The following CNTN5 variants were observed in gnomAD, a reference collection of about 807,000 sequenced individuals.
CNTN5 encodes contactin-5.
In CNTN5, 77 loss-of-function variants were observed where a neutral mutation model predicts 129.1. That is an observed-to-expected ratio of 0.60 (90% CI 0.50 to 0.72). The LOEUF is 0.72. Among genes scored for constraint, CNTN5 ranks in the 30% least tolerant of loss-of-function variants. The pLI, the probability that CNTN5 is intolerant of heterozygous loss-of-function variation, is 0.00. For synonymous variants in CNTN5, 509 were observed against 465.6 expected (o/e 1.09, Z -1.20); for missense variants, 1,478 against 1,328.8 (o/e 1.11, Z -1.75).
At chr11:99,431,306 G>T (rs1943359999) in intron 2 of CNTN5, among the ~76,000 whole-genome samples, 1 of 152,038 alleles carries the variant, frequency 6.6e-6, no homozygotes, top group South Asian at 2.1e-4. Flanking sequence ...GGCCCAGACT[G>T]AAGACTGCTT....
At chr11:99,160,370 C>T (rs185361452) in intron 1 of CNTN5, among the ~76,000 whole-genome samples, 2 of 152,148 alleles carry the variant, frequency 1.3e-5, no homozygotes, top group African/African-American at 4.8e-5. Context: ...GGCAAGTATT[C>T]TGCAAAGGAC....
At chr11:99,750,928 T>C (rs1344658643) in intron 3 of CNTN5, among the ~76,000 whole-genome samples, 3 of 152,226 alleles carry the variant, frequency 2.0e-5, no homozygotes, top group Non-Finnish European at 2.9e-5. Flanking sequence ...ATTTTGGCTT[T>C]GGAGTTTGCT....
At chr11:100,123,328 A>G (rs1003302389) in intron 13 of CNTN5, among the ~76,000 whole-genome samples, 1 of 151,948 alleles carries the variant, frequency 6.6e-6, no homozygotes, top group African/African-American at 2.4e-5. Flanking sequence ...TTATATCTCT[A>G]TATATGTCTA....
chr11:99,185,816 A>G (rs1036747410), intron 1 of CNTN5, among the ~76,000 whole-genome samples: 1 of 144,882 alleles, frequency 6.9e-6, no homozygotes, highest in African/African-American at 2.5e-5. Context: ...AAAATAACCC[A>G]TCAAAATAAC....
chr11:100,271,769 T>C (rs1950412365), intron 18 of CNTN5, among the ~76,000 whole-genome samples: 1 of 152,210 alleles, frequency 6.6e-6, no homozygotes, highest in Admixed American at 6.5e-5. Context: ...CTCCTTGACT[T>C]TGAAAACATT....
chr11:99,272,265 T>A (rs1863208209), intron 1 of CNTN5, among the ~76,000 whole-genome samples: 1 of 151,772 alleles, frequency 6.6e-6, no homozygotes. Context: ...CTTGTGTTTT[T>A]ATATTCAATG....
At chr11:100,055,407 T>G (rs1591145589) in intron 9 of CNTN5, among the ~76,000 whole-genome samples, 1 of 151,666 alleles carries the variant, frequency 6.6e-6, no homozygotes, top group African/African-American at 2.4e-5. Flanking sequence ...ACTTCTTGCA[T>G]CTTAAACTTT....
intron 3 of CNTN5, among the ~76,000 whole-genome samples, chr11:99,713,118 C>T (rs12874678): frequency 1.3e-5 from 2 of 152,210 alleles, no homozygotes; most frequent in South Asian, 4.1e-4. Context: ...TATCCATGAG[C>T]ATGGAATGGC....
intron 1 of CNTN5, among the ~76,000 whole-genome samples, chr11:99,083,402 C>G (rs1342658355): frequency 1.3e-5 from 2 of 152,200 alleles, no homozygotes; most frequent in Non-Finnish European, 2.9e-5. Flanking sequence ...GGTGGCACTT[C>G]AGACGCATTA....
chr11:99,994,974 G>A (rs7125241), intron 8 of CNTN5, among the ~76,000 whole-genome samples: 57,111 of 151,662 alleles, frequency 0.38, 12,190 homozygotes, highest in African/African-American at 0.59. Context: ...AAATATTTAA[G>A]AAGAAGCAGA....
At chr11:99,419,414 A>G (rs1033392863) in intron 2 of CNTN5, among the ~76,000 whole-genome samples, 2 of 152,218 alleles carry the variant, frequency 1.3e-5, no homozygotes, top group African/African-American at 4.8e-5. Context: ...TTGTCTTACA[A>G]ATTATTGTAA....
intron 9 of CNTN5, among the ~76,000 whole-genome samples, chr11:100,041,948 G>T (rs868041241): frequency 5.3e-5 from 8 of 152,284 alleles, no homozygotes; most frequent in African/African-American, 1.9e-4. Flanking sequence ...TCAAGAATCA[G>T]AAAGGAGAGA....
At chr11:99,337,813 T>C (rs1866301307) in intron 2 of CNTN5, among the ~76,000 whole-genome samples, 1 of 152,190 alleles carries the variant, frequency 6.6e-6, no homozygotes, top group Admixed American at 6.6e-5. Flanking sequence ...AAGAAGTCTT[T>C]TTTTGGAATA....
At chr11:99,427,489 T>A (rs369559393) in intron 2 of CNTN5, among the ~76,000 whole-genome samples, 1 of 152,066 alleles carries the variant, frequency 6.6e-6, no homozygotes, top group African/African-American at 2.4e-5. Context: ...TTCTTGGGCC[T>A]GGCGCGGTGG....
intron 3 of CNTN5, among the ~76,000 whole-genome samples, chr11:99,623,331 C>T (rs1020208018): frequency 7.2e-5 from 11 of 152,040 alleles, no homozygotes; most frequent in African/African-American, 2.7e-4. Context: ...GATCCCAGGG[C>T]TCAAATTATA....
intron 13 of CNTN5, among the ~76,000 whole-genome samples, chr11:100,190,293 G>T (rs1233528227): frequency 6.6e-6 from 1 of 152,008 alleles, no homozygotes; most frequent in African/African-American, 2.4e-5. Context: ...TATGTTTCAG[G>T]TTGCCGGAGT....
At chr11:99,198,256 A>C (rs558585826) in intron 1 of CNTN5, among the ~76,000 whole-genome samples, 143 of 152,266 alleles carry the variant, frequency 9.4e-4, no homozygotes, top group Middle Eastern at 3.4e-3. Context: ...AACAACTGTC[A>C]TATGGGAAGC....
chr11:99,757,617 C>T (rs1034223521), intron 3 of CNTN5, among the ~76,000 whole-genome samples: 2 of 151,988 alleles, frequency 1.3e-5, no homozygotes, highest in African/African-American at 4.8e-5. Flanking sequence ...TCTACAGAGA[C>T]CCTATTTCCA....
At chr11:99,876,335 G>C (rs1948632186) in intron 6 of CNTN5, among the ~76,000 whole-genome samples, 1 of 152,050 alleles carries the variant, frequency 6.6e-6, no homozygotes, top group East Asian at 1.9e-4. Flanking sequence ...CTATACCTTT[G>C]TACTGATATA....
Sources: allele counts gnomAD v4.1 joint callset (sites outside exome capture counted in the v4.1 genomes callset), GRCh38; gene constraint gnomAD v4.1.1; transcripts MANE v1.5; gene names NCBI Gene and HGNC (gene_info 2026-07-23, HGNC 2026-07-21).